FNIP1: variants seen among roughly 807,000 people sequenced by gnomAD.
FNIP1 encodes folliculin interacting protein 1.
Under a neutral mutation model 124.5 loss-of-function variants are expected in FNIP1, and 40 were observed. That is an observed-to-expected ratio of 0.32 (90% confidence interval 0.25 to 0.42). The LOEUF (loss-of-function observed/expected upper bound fraction) is 0.42. Ranked by LOEUF, FNIP1 falls within the 10% of genes least tolerant of loss-of-function variation. The pLI is 1.00. For synonymous variants in FNIP1, 472 were observed against 470.6 expected (o/e 1.00, Z -0.04); for missense variants, 1,176 against 1,403.7 (o/e 0.84, Z 2.59).
At chr5:131,747,303 G>A (rs951301321) in intron 1 of FNIP1, among the ~76,000 whole-genome samples, 8 of 152,070 alleles carry the variant, frequency 5.3e-5, no homozygotes, top group East Asian at 1.9e-4. Context: ...ATGTGTAACC[G>A]GCAACATAAA....
intron 15 of FNIP1, among the ~76,000 whole-genome samples, chr5:131,662,395 A>G (rs1391567291): frequency 6.6e-6 from 1 of 152,242 alleles, no homozygotes. Context: ...TCATTGAAAG[A>G]AAAAGGTTAA....
chr5:131,672,853 T>C lies in FNIP1; in HGVS notation c.1591A>G (p.Met531Val), dbSNP rs1006918659. The change falls in exon 14 of 18, where the codon ATG becomes GTG. Residue 531 changes from methionine (M) to valine (V), a missense_variant. This residue lies in a region of FNIP1 where 1,109 missense variants were observed against 1,288.5 expected (regional missense o/e 0.86). Transcript: ENST00000510461. ...RTVVVGKRQD[M>V]VQRLLYFLTY... ...AGAAAATAAAGTAGCCTCTGGACCA[T>C]GTCTTGTCGTTTGCCAACTACCACA... 4.4e-6 allele frequency: 7 copies of C among 1,607,174 alleles called. No homozygotes were observed. Among genetic ancestry groups the C allele is most frequent in the Non-Finnish European group, 5.9e-6 (7 of 1,177,150 alleles).
At chr5:131,739,935 T>A (rs1167647506) in intron 2 of FNIP1, among the ~76,000 whole-genome samples, 5 of 152,018 alleles carry the variant, frequency 3.3e-5, no homozygotes, top group Admixed American at 6.6e-5. Flanking sequence ...AACCAATCAT[T>A]GCTAATTTTT....
In FNIP1 at chr5:131,719,404, G is replaced by A. The variant is rs779672616; in HGVS notation, c.368C>T (p.Ser123Phe). 2 of 1,612,014 alleles carry A rather than the reference G, an allele frequency of 1.2e-6. No homozygotes were observed. The highest frequency in any genetic ancestry group is 8.5e-7 in the Non-Finnish European group (1 of 1,179,486). Residue 123 changes from serine (S) to phenylalanine (F), a missense_variant, in exon 4 of 18, where the codon TCT becomes TTT. Around this residue, in one of 2 missense-constraint regions of FNIP1, gnomAD observed 1,109 missense variants for 1,288.5 expected, o/e 0.86. Transcript: ENST00000510461. ...CTCTCCAAGCATATTGGCATCAGAA[G>A]AGCACCGAGAACCCTAAACAATAAC... is the stretch of plus-strand genomic sequence containing the variant. ...QCLKYQGSRCSSDANMLGEMM... is the reference protein window; with the variant it reads ...QCLKYQGSRCFSDANMLGEMM...
intron 6 of FNIP1, among the ~76,000 whole-genome samples, chr5:131,712,281 T>C (rs928609294): frequency 1.5e-4 from 23 of 152,244 alleles, no homozygotes; most frequent in Admixed American, 1.4e-3. Flanking sequence ...TTCTAGTCTT[T>C]AATTTCATGC....
intron 13 of FNIP1, 147 bp from the exon 14 acceptor site, chr5:131,673,071 A>G (rs1039754722): frequency 1.4e-5 from 8 of 566,676 alleles, no homozygotes; most frequent in Admixed American, 3.7e-5. Context: ...TTTTTGAGAC[A>G]GGGTCTCACA....
intron 15 of FNIP1, among the ~76,000 whole-genome samples, chr5:131,669,759 CA>C (rs1767697199): frequency 2.0e-5 from 3 of 152,006 alleles, no homozygotes; most frequent in Middle Eastern, 3.4e-3. Context: ...GAACTTCTTC[CA>C]TCTAATAAAG....
In FNIP1 at chr5:131,645,597, AAT is replaced by A. The variant is rs1158728028; in HGVS notation, c.3423-836_3423-835del. On this transcript the variant is annotated intron_variant, in intron 17 of 17. Coordinates refer to ENST00000510461, the MANE Select transcript of FNIP1 (RefSeq NM_133372.3). The stretch of plus-strand genomic sequence containing the variant: ...AAGAGTGCCTCTTACTGTTTGTGGG[AAT>A]TCATTTTGAAACTTTCTGGAGAGTA... Among the ~76,000 whole-genome samples, 9 of 152,314 alleles carry A rather than the reference AAT, an allele frequency of 5.9e-5. No individual in the cohort carries two copies. The East Asian group carries it at 1.7e-3, about 29-fold the overall frequency.
chr5:131,682,708 C>T (rs928378143), intron 11 of FNIP1, among the ~76,000 whole-genome samples: 1 of 150,098 alleles, frequency 6.7e-6, no homozygotes, highest in Non-Finnish European at 1.5e-5. Context: ...TAGAGCAAGA[C>T]TCCGTCTCAA....
chr5:131,782,989 G>C (rs1772046412), intron 1 of FNIP1, among the ~76,000 whole-genome samples: 1 of 152,230 alleles, frequency 6.6e-6, no homozygotes, highest in South Asian at 2.1e-4. Context: ...CTAGATTAAA[G>C]TTAGGTACAC....
intron 1 of FNIP1, among the ~76,000 whole-genome samples, chr5:131,792,007 T>C (rs1316363687): frequency 6.6e-6 from 1 of 152,162 alleles, no homozygotes; most frequent in Non-Finnish European, 1.5e-5. Context: ...CAGTAACAAC[T>C]ACTTCTGGTT....
intron 5 of FNIP1, among the ~76,000 whole-genome samples, chr5:131,717,378 A>C (rs2149541079): frequency 6.6e-6 from 1 of 152,300 alleles, no homozygotes; most frequent in South Asian, 2.1e-4. Flanking sequence ...TTCTTAATCC[A>C]GTCTATCACT....
Position 131,789,352 on chromosome 5 carries a change from A to AATGGGAT in FNIP1, c.92+7477_92+7478insATCCCAT, listed in dbSNP as rs1772323689. 2.0e-5 allele frequency among the ~76,000 whole-genome samples: 3 copies of AATGGGAT among 152,348 alleles called. 1 individual carries two copies. In the South Asian group the frequency reaches 6.2e-4, roughly 32 times the overall value. ...GGTATGACAAATTTTTAAAAATCCC[A>AATGGGAT]TTTAAAAAACAAAACTTCTGAAACA... On this transcript the variant is annotated intron_variant, in intron 1 of 17. Transcript: ENST00000510461.
At chr5:131,726,922 G>A (rs571273125) in intron 3 of FNIP1, among the ~76,000 whole-genome samples, 10 of 152,214 alleles carry the variant, frequency 6.6e-5, no homozygotes, top group African/African-American at 1.9e-4. Flanking sequence ...TAGTCATTCC[G>A]GAGCAGGTTG....
chr5:131,733,843 T>TA (rs1770189989), intron 2 of FNIP1, among the ~76,000 whole-genome samples: 1 of 152,236 alleles, frequency 6.6e-6, no homozygotes, highest in South Asian at 2.1e-4. Flanking sequence ...GCTGGCCTCA[T>TA]AAAATGAGTT....
chr5:131,744,786 C>A, intron 1 of FNIP1, 96 bp from the exon 2 acceptor site: 1 of 912,008 alleles, frequency 1.1e-6, no homozygotes, highest in Non-Finnish European at 1.5e-6. Flanking sequence ...TAATAAAGCC[C>A]AAAATTATCT....
intron 8 of FNIP1, among the ~76,000 whole-genome samples, chr5:131,708,857 A>G (rs1769199920): frequency 6.6e-6 from 1 of 151,822 alleles, no homozygotes; most frequent in Admixed American, 6.6e-5. Flanking sequence ...CAATATGACA[A>G]TTTAAACTTT....
rs559941790 is a variant in FNIP1, at chr5:131,780,538, T to C, written c.92+16292A>G. 4.8e-4 allele frequency among the ~76,000 whole-genome samples: 73 copies of C among 152,344 alleles called. 2 individuals carry two copies. The South Asian group carries it at 0.014, about 30-fold the overall frequency. On this transcript the variant is annotated intron_variant, in intron 1 of 17. Transcript: ENST00000510461. ...TTGGCAACTCTGTGTTGGTTCCATT[T>C]TCCAACAGAACATGCCACTTTTTGT... is the stretch of plus-strand genomic sequence containing the variant.
intron 3 of FNIP1, 143 bp from the exon 4 acceptor site, chr5:131,719,560 C>T (rs1580782871): frequency 8.0e-6 from 5 of 625,430 alleles, no homozygotes; most frequent in African/African-American, 1.9e-5. Context: ...TTCTGCAACT[C>T]GATTTTCTTC....
Sources: allele counts gnomAD v4.1 joint callset (sites outside exome capture counted in the v4.1 genomes callset), GRCh38; gene constraint gnomAD v4.1.1; regional missense constraint gnomAD v4.1.1; transcripts MANE v1.5; gene names NCBI Gene and HGNC (gene_info 2026-07-23, HGNC 2026-07-21).